The following STXBP5L variants were observed in gnomAD, a reference collection of about 807,000 sequenced individuals.
STXBP5L encodes the protein syntaxin binding protein 5L.
In STXBP5L, 65 loss-of-function variants were observed where a neutral mutation model predicts 144.5. That is an observed-to-expected ratio of 0.45 (90% CI 0.37 to 0.55). The LOEUF (loss-of-function observed/expected upper bound fraction) is 0.55. Among genes scored for constraint, STXBP5L ranks in the 20% least tolerant of loss-of-function variants. The pLI, the probability that STXBP5L is intolerant of heterozygous loss-of-function variation, is 0.00. For synonymous variants in STXBP5L, 505 were observed against 469.6 expected (o/e 1.08, Z -0.97); for missense variants, 1,298 against 1,405.5 (o/e 0.92, Z 1.22).
chr3:121,008,327 G>T (rs1343613673), intron 3 of STXBP5L, among the ~76,000 whole-genome samples: 1 of 151,910 alleles, frequency 6.6e-6, no homozygotes, highest in Non-Finnish European at 1.5e-5. Context: ...TATCCAAGTG[G>T]TAGCCTTAGG....
intron 11 of STXBP5L, among the ~76,000 whole-genome samples, chr3:121,225,203 T>C (rs1236843533): frequency 6.6e-6 from 1 of 152,050 alleles, no homozygotes; most frequent in Admixed American, 6.6e-5. Flanking sequence ...TTTCCTAATC[T>C]AGCTCCTTCA....
At chr3:121,367,817 G>T (rs2045911182) in intron 20 of STXBP5L, among the ~76,000 whole-genome samples, 1 of 106,064 alleles carries the variant, frequency 9.4e-6, no homozygotes, top group East Asian at 3.2e-4. Context: ...TAGAGACCAG[G>T]TCTTCCTATG....
chr3:120,976,226 G>T (rs946689848), intron 3 of STXBP5L, among the ~76,000 whole-genome samples: 50 of 152,182 alleles, frequency 3.3e-4, no homozygotes, highest in Non-Finnish European at 6.6e-4. Context: ...TTCAGAGCCT[G>T]TTATTAGTCT....
intron 19 of STXBP5L, among the ~76,000 whole-genome samples, chr3:121,303,332 C>T (rs573292586): frequency 1.3e-5 from 2 of 151,928 alleles, no homozygotes; most frequent in Admixed American, 1.3e-4. Flanking sequence ...AATGAGATAC[C>T]ATCTCACACC....
intron 9 of STXBP5L, among the ~76,000 whole-genome samples, chr3:121,163,855 G>A (rs532645384): frequency 6.6e-6 from 1 of 151,870 alleles, no homozygotes; most frequent in East Asian, 1.9e-4. Context: ...TGTTAAACTA[G>A]AAACTCTGAG....
At chr3:121,240,384 T>C in intron 13 of STXBP5L, 56 bp from the exon 14 acceptor site, 1 of 1,503,414 alleles carries the variant, frequency 6.7e-7, no homozygotes, top group Middle Eastern at 1.8e-4. Flanking sequence ...ATTTTCATTT[T>C]AAATTTCTAA....
At chr3:121,075,136 C>G (rs2041966922) in intron 5 of STXBP5L, among the ~76,000 whole-genome samples, 1 of 152,180 alleles carries the variant, frequency 6.6e-6, no homozygotes, top group Non-Finnish European at 1.5e-5. Context: ...AAATCCATAT[C>G]TGACTTCTGA....
intron 5 of STXBP5L, among the ~76,000 whole-genome samples, chr3:121,094,490 C>T: frequency 6.6e-6 from 1 of 151,996 alleles, no homozygotes; most frequent in Non-Finnish European, 1.5e-5. Context: ...GGATAGTTAG[C>T]TCTTCTTGTT....
rs150113480 is a variant in STXBP5L, at chr3:121,038,668, A to G, written c.288-3032A>G. ...TTCATTTTTACTGATTTTGTCTTAT[A>G]TTAGTTATCGAGAAAGGGGTGCTAA... On this transcript the variant is annotated intron_variant, in intron 3 of 26. Coordinates refer to ENST00000471454, the MANE Select transcript of STXBP5L (RefSeq NM_001308330.2). Among the ~76,000 whole-genome samples, 120 of 151,994 alleles carry G rather than the reference A, an allele frequency of 7.9e-4. No individual in the cohort carries two copies. In the East Asian group the frequency reaches 0.014, roughly 17 times the overall value.
At position 121,102,238 on chromosome 3, in the gene STXBP5L, G is replaced by A. The variant is rs556414073; in HGVS notation, c.471-12687G>A. On this transcript the variant is annotated intron_variant, in intron 5 of 26. Transcript: ENST00000471454. ...TATAAATTCATGTGGAACCAAAATAGAGCCCAAATAGCCAAATCAGTCCTA... is the reference window on the plus strand; with the variant it reads ...TATAAATTCATGTGGAACCAAAATAAAGCCCAAATAGCCAAATCAGTCCTA... Among the ~76,000 whole-genome samples, 20 of 152,142 alleles carry A rather than the reference G, an allele frequency of 1.3e-4. No individual in the cohort carries two copies. The South Asian group carries it at 3.9e-3, about 30-fold the overall frequency.
At chr3:121,262,862 C>A (rs1412139484) in intron 18 of STXBP5L, among the ~76,000 whole-genome samples, 1 of 152,184 alleles carries the variant, frequency 6.6e-6, no homozygotes, top group Non-Finnish European at 1.5e-5. Context: ...GGACAGAGCA[C>A]CTGGGGGAAG....
chr3:121,086,384 T>A (rs1351419866), intron 5 of STXBP5L, among the ~76,000 whole-genome samples: 2 of 152,148 alleles, frequency 1.3e-5, no homozygotes, highest in African/African-American at 4.8e-5. Context: ...AAGAGGATAA[T>A]GAAGCTGAAA....
At chr3:121,144,080 C>A (rs887896162) in intron 7 of STXBP5L, among the ~76,000 whole-genome samples, 2 of 150,488 alleles carry the variant, frequency 1.3e-5, no homozygotes, top group Admixed American at 1.3e-4. Flanking sequence ...TTTTTGCAAG[C>A]CATGTATCTG....
chr3:120,976,007 T>G (rs1940951359), intron 3 of STXBP5L, among the ~76,000 whole-genome samples: 1 of 151,936 alleles, frequency 6.6e-6, no homozygotes, highest in Non-Finnish European at 1.5e-5. Context: ...AAAATTCTCT[T>G]TTTTTTGTTG....
chr3:121,001,721 A>G (rs77940077), intron 3 of STXBP5L, among the ~76,000 whole-genome samples: 7,283 of 152,208 alleles, frequency 0.048, 470 homozygotes, highest in African/African-American at 0.14. Flanking sequence ...GCAACCCTGT[A>G]TAGGGTTCCC....
intron 7 of STXBP5L, among the ~76,000 whole-genome samples, chr3:121,139,744 A>C (rs1440793084): frequency 6.6e-6 from 1 of 152,110 alleles, no homozygotes; most frequent in Non-Finnish European, 1.5e-5. Context: ...CAAATGTATG[A>C]AACTTGAAGA....
At chr3:121,389,909 T>C (rs1010996878) in intron 22 of STXBP5L, among the ~76,000 whole-genome samples, 3 of 152,110 alleles carry the variant, frequency 2.0e-5, no homozygotes, top group Non-Finnish European at 4.4e-5. Flanking sequence ...CGTCTGCTTG[T>C]TGCAGAGCTG....
chr3:121,290,638 G>T (rs1488021060), intron 19 of STXBP5L, among the ~76,000 whole-genome samples: 1 of 151,934 alleles, frequency 6.6e-6, no homozygotes, highest in East Asian at 1.9e-4. Flanking sequence ...CCTGGTGAAC[G>T]TACGTGCAAA....
intron 20 of STXBP5L, among the ~76,000 whole-genome samples, chr3:121,343,166 T>C (rs1275994561): frequency 6.6e-6 from 1 of 152,180 alleles, no homozygotes; most frequent in Non-Finnish European, 1.5e-5. Context: ...TGTCTGTTCA[T>C]GTCCTTCACC....
Sources: allele counts gnomAD v4.1 joint callset (sites outside exome capture counted in the v4.1 genomes callset), GRCh38; gene constraint gnomAD v4.1.1; transcripts MANE v1.5; gene names NCBI Gene and HGNC (gene_info 2026-07-23, HGNC 2026-07-21).